The following LRRK1 variants were observed in gnomAD, a reference collection of about 807,000 sequenced individuals.
LRRK1 encodes the protein leucine rich repeat kinase 1, also known as leucine-rich repeat serine/threonine-protein kinase 1.
In LRRK1, 113 loss-of-function variants were observed where a neutral mutation model predicts 209.1. The observed-to-expected ratio is 0.54, with a 90% CI of 0.46 to 0.63. LRRK1 has a LOEUF of 0.63. LRRK1 is among the 30% of genes least tolerant of loss of function. The probability of loss-of-function intolerance (pLI) is 0.00; values close to 1 mark genes in which losing one functional copy is unlikely to be tolerated. For synonymous variants in LRRK1, 1,144 were observed against 1,099.7 expected, an observed-to-expected ratio of 1.04 and a Z score of -0.80; for missense variants, 2,284 against 2,632.2, an observed-to-expected ratio of 0.87 and a Z score of 2.89.
rs1296377749 is a variant in LRRK1, at chr15:100,919,609, G to T, written c.-123+158G>T. 6.7e-6 allele frequency among the ~76,000 whole-genome samples: 1 copy of T among 149,692 alleles called. No homozygotes were observed. The highest frequency in any genetic ancestry group is 1.5e-5 in the Non-Finnish European group (1 of 67,166). ...GCGGCCGCGTGGTCGGGCACGGGGG[G>T]CCGTTGCGCAGGGGCCGCGGCCCGA... On this transcript the variant is annotated intron_variant, in intron 1 of 33. Coordinates refer to ENST00000388948, the MANE Select transcript of LRRK1 (RefSeq NM_024652.6). The surrounding 1 kb of genome is among the most constrained non-coding windows in gnomAD (Gnocchi z 5.8).
intron 3 of LRRK1, 84 bp downstream of exon 3, chr15:100,974,051 T>A: frequency 4.4e-6 from 5 of 1,125,080 alleles, no homozygotes; most frequent in African/African-American, 1.6e-5. Flanking sequence ...CTCGTTATTG[T>A]CATAACGGTA....
chr15:101,026,490 G>A (rs190818957), intron 17 of LRRK1, among the ~76,000 whole-genome samples: 66 of 152,374 alleles, frequency 4.3e-4, no homozygotes, highest in Admixed American at 3.8e-3. Context: ...ACAGACCCTG[G>A]GGAGGGAGGG....
At chr15:100,984,182 T>C (rs1347568743) in intron 4 of LRRK1, among the ~76,000 whole-genome samples, 1 of 151,858 alleles carries the variant, frequency 6.6e-6, no homozygotes, top group Non-Finnish European at 1.5e-5. Flanking sequence ...TTCAGAACCA[T>C]GGTTTTAAGA....
At chr15:100,952,700 T>C (rs1262112114) in intron 2 of LRRK1, among the ~76,000 whole-genome samples, 3 of 20,064 alleles carry the variant, frequency 1.5e-4, no homozygotes, top group Non-Finnish European at 6.3e-4. Flanking sequence ...CTGGAAATGG[T>C]ATCAAATGCT....
chr15:101,016,339 C>T (rs972016753), intron 12 of LRRK1, among the ~76,000 whole-genome samples: 1 of 151,204 alleles, frequency 6.6e-6, no homozygotes, highest in Non-Finnish European at 1.5e-5. Context: ...CCCTTGCTAG[C>T]CCCTGACAGT....
chr15:101,052,164 C>G (rs1531118), intron 24 of LRRK1, among the ~76,000 whole-genome samples: 103,286 of 152,148 alleles, frequency 0.68, 36,045 homozygotes, highest in Middle Eastern at 0.79. Context: ...ATTTTGGAGG[C>G]CTTGATAGGC....
Position 101,051,720 on chromosome 15 carries a change from CCA to C in LRRK1, c.3452_3453del (p.Thr1151ArgfsTer29). ...CTCTGTCCTTATTTAGCCCTGACAG[CCA>C]CAGAGAGCGACGGGACGCCACTCAT... On this transcript the variant is annotated frameshift_variant, in exon 24 of 34. Coordinates refer to ENST00000388948, the MANE Select transcript of LRRK1 (RefSeq NM_024652.6). LOFTEE classifies it high-confidence loss of function. 6.2e-7 allele frequency: 1 copy of C among 1,613,740 alleles called. No individual in the cohort carries two copies. Among genetic ancestry groups the C allele is most frequent in the East Asian group, 2.2e-5 (1 of 44,886 alleles).
chr15:100,972,254 C>T (rs1269704488), intron 2 of LRRK1, among the ~76,000 whole-genome samples: 1 of 151,946 alleles, frequency 6.6e-6, no homozygotes, highest in East Asian at 1.9e-4. Context: ...TAAGCCACCA[C>T]ACCCAGCCTC....
intron 2 of LRRK1, among the ~76,000 whole-genome samples, chr15:100,943,290 C>T (rs1051507749): frequency 6.6e-6 from 1 of 152,138 alleles, no homozygotes; most frequent in Non-Finnish European, 1.5e-5. Flanking sequence ...GGAAATTCTG[C>T]CCCCTCCCTT....
At chr15:100,988,460 G>A in intron 4 of LRRK1, 174 bp from the exon 5 acceptor site, 1 of 679,504 alleles carries the variant, frequency 1.5e-6, no homozygotes, top group Non-Finnish European at 2.6e-6. Flanking sequence ...CATCCATGAT[G>A]CTGCAAAGTA....
In LRRK1 at chr15:101,052,986, G is replaced by A. The variant is rs373729202; in HGVS notation, c.3754G>A (p.Gly1252Ser). ...EDEGSVLGQG[G>S]SGTVIYRARY... is the part of the protein sequence containing the mutation. Reference sequence around the variant, plus strand: ...CGAGGGCAGCGTCCTGGGCCAGGGCGGCAGTGGCACCGTCATCTACCGGGC... The same window carrying A: ...CGAGGGCAGCGTCCTGGGCCAGGGCAGCAGTGGCACCGTCATCTACCGGGC... The change falls in exon 25 of 34, where the codon GGC (glycine) becomes AGC (serine). Residue 1252 changes from glycine to serine, a missense_variant. Transcript: ENST00000388948. 6.2e-6 allele frequency: 10 copies of A among 1,613,036 alleles called. No individual in the cohort carries two copies. Among genetic ancestry groups the A allele is most frequent in the African/African-American group, 2.7e-5 (2 of 75,056 alleles).
chr15:100,973,186 C>T (rs1419560818), intron 2 of LRRK1, among the ~76,000 whole-genome samples: 2 of 152,196 alleles, frequency 1.3e-5, no homozygotes, highest in Non-Finnish European at 2.9e-5. Flanking sequence ...AGGCTGGCCT[C>T]TCCTCCCGAG....
At chr15:100,951,438 G>C (rs567046656) in intron 2 of LRRK1, among the ~76,000 whole-genome samples, 2 of 152,252 alleles carry the variant, frequency 1.3e-5, no homozygotes, top group East Asian at 3.9e-4. Flanking sequence ...TTCCACTCCT[G>C]AGTATATACA....
intron 2 of LRRK1, among the ~76,000 whole-genome samples, chr15:100,950,867 G>GCCAA (rs1438887835): frequency 2.0e-5 from 3 of 152,242 alleles, no homozygotes; most frequent in African/African-American, 7.2e-5. Flanking sequence ...ACTTTGGGAG[G>GCCAA]CCAAGGCGGG....
At chr15:100,927,323 C>G (rs2042133480) in intron 2 of LRRK1, among the ~76,000 whole-genome samples, 1 of 152,188 alleles carries the variant, frequency 6.6e-6, no homozygotes, top group South Asian at 2.1e-4. Context: ...AAGTGTGGCA[C>G]TCCCCAGCCC....
At chr15:100,947,199 C>T (rs550139660) in intron 2 of LRRK1, among the ~76,000 whole-genome samples, 27 of 152,048 alleles carry the variant, frequency 1.8e-4, no homozygotes, top group Admixed American at 1.7e-3. Flanking sequence ...CCTCGTGATC[C>T]GCCCGCCTCG....
Position 101,015,380 on chromosome 15 carries a change from C to G in LRRK1, c.1587C>G (p.Arg529=), listed in dbSNP as rs753694087. 6.2e-7 allele frequency: 1 copy of G among 1,613,642 alleles called. No homozygotes were observed. The highest frequency in any genetic ancestry group is 2.2e-5 in the East Asian group (1 of 44,852). The part of the protein sequence containing the change: ...KRIAFFTTRG[R]QRSGTEAASV... ...TTGCCTTTTTCACCACCAGAGGTCG[C>G]CAGCGCTCCGGGACTGAGGCAGGTG... Residue 529 remains arginine, a synonymous_variant, in exon 12 of 34, where the codon CGC becomes CGG. Transcript: ENST00000388948.
intron 2 of LRRK1, among the ~76,000 whole-genome samples, chr15:100,941,247 T>C (rs1466076051): frequency 2.7e-5 from 4 of 149,306 alleles, no homozygotes; most frequent in Non-Finnish European, 6.0e-5. Flanking sequence ...TGTGTGTCTG[T>C]CTGTGTGTGT....
chr15:100,923,570 G>A (rs1232897997), intron 1 of LRRK1, among the ~76,000 whole-genome samples: 1 of 152,190 alleles, frequency 6.6e-6, no homozygotes, highest in Admixed American at 6.5e-5. Context: ...GCCTGAGCTA[G>A]GCATGGGTCT....
Sources: gnomAD v4.1 joint callset for allele counts (sites outside exome capture counted in the v4.1 genomes callset) on GRCh38, gnomAD v4.1.1 for gene constraint, Gnocchi (gnomAD v3.1) non-coding constraint, MANE v1.5 for transcripts, NCBI Gene and HGNC (gene_info 2026-07-23, HGNC 2026-07-21) for gene names.